The following TULP3 variants were observed in gnomAD, a reference collection of about 807,000 sequenced individuals.
TULP3 encodes tubby-related protein 3.
In TULP3, 38 loss-of-function variants were observed where a neutral mutation model predicts 50.7. The observed-to-expected ratio is 0.75, with a 90% CI of 0.58 to 0.98. The LOEUF is 0.98. TULP3 is among the 50% of genes least tolerant of loss of function. The probability of loss-of-function intolerance (pLI) is 0.00; values close to 1 mark genes in which losing one functional copy is unlikely to be tolerated. For synonymous variants in TULP3, 183 were observed against 196.6 expected, an observed-to-expected ratio of 0.93 and a Z score of 0.58; for missense variants, 550 against 568.0, an observed-to-expected ratio of 0.97 and a Z score of 0.32.
Position 2,940,993 on chromosome 12 carries a change from A to T in TULP3, c.*1549A>T. On this transcript the variant is annotated 3_prime_UTR_variant, in exon 11 of 11. Coordinates refer to ENST00000448120, the MANE Select transcript of TULP3 (RefSeq NM_003324.5). ...GAAGGACTTATGGTGGGCCAGGTGG[A>T]CCTCATCCTGCTTCTTCCTCCCTCT... The T allele has an allele frequency of 2.3e-6, 1 of 428,316 alleles. No individual in the cohort carries two copies. Among genetic ancestry groups the T allele is most frequent in the Non-Finnish European group, 4.1e-6 (1 of 241,690 alleles). The allele number at this position is 428,316 out of a possible 1,614,324, so 26.5% of individuals were successfully genotyped here.
At chr12:2,926,594 T>C (rs1160505426) in intron 4 of TULP3, among the ~76,000 whole-genome samples, 1 of 152,138 alleles carries the variant, frequency 6.6e-6, no homozygotes, top group Non-Finnish European at 1.5e-5. Context: ...CAGACCATAC[T>C]CCTCATCCAT....
intron 1 of TULP3, among the ~76,000 whole-genome samples, chr12:2,903,793 G>GTT (rs1368146378): frequency 6.6e-6 from 1 of 151,442 alleles, no homozygotes; most frequent in Non-Finnish European, 1.5e-5. Flanking sequence ...TTGTTTGTTT[G>GTT]TTTTGAGATG....
rs11305670 is a variant in TULP3 at position 2,909,509 on chromosome 12, ATT to A, written c.42-7_42-6del. 29,926 of 1,347,772 alleles carry A rather than the reference ATT, an allele frequency of 0.022. No homozygotes were observed. Among genetic ancestry groups the A allele is most frequent in the East Asian group, 0.04 (1,457 of 36,708 alleles). 83.5% of individuals were successfully genotyped at this position (1,347,772 alleles called of 1,614,324 possible). ...CGTTTTCTTTTTATATACTTGCTTT[ATT>A]TTTTTTTTTTTTAACAGTGTCTTCC... On this transcript the variant is annotated intron_variant, in intron 1 of 10. Transcript: ENST00000448120.
At position 2,893,330 on chromosome 12, in the gene TULP3, T is replaced by TTTTG. The variant is rs1555110462; in HGVS notation, c.41+2345_41+2346insGTTT. Among the ~76,000 whole-genome samples the TTTTG allele has an allele frequency of 6.3e-4, 95 of 149,952 alleles. 2 individuals carry two copies. Among genetic ancestry groups the TTTTG allele is most frequent in the Admixed American group, 1.7e-3 (25 of 15,046 alleles). ...CTTCAGGTTGTGTGTTTAATGTGTTTTTTTTTTTTTTTTTCCAAACGGAGT... is the reference window on the plus strand; with the variant it reads ...CTTCAGGTTGTGTGTTTAATGTGTTTTTTGTTTTTTTTTTTTTTCCAAACGGAGT... On this transcript the variant is annotated intron_variant, in intron 1 of 10. Coordinates refer to ENST00000448120, the MANE Select transcript of TULP3 (RefSeq NM_003324.5).
intron 7 of TULP3, 23 bp from the exon 8 acceptor site, chr12:2,934,424 G>A (rs2098199906): frequency 6.7e-7 from 1 of 1,482,652 alleles, no homozygotes; most frequent in Middle Eastern, 1.8e-4. Flanking sequence ...GATCATCATG[G>A]TGACTTTTTC....
At chr12:2,897,661 G>A (rs2098176327) in intron 1 of TULP3, among the ~76,000 whole-genome samples, 1 of 149,510 alleles carries the variant, frequency 6.7e-6, no homozygotes, top group Non-Finnish European at 1.5e-5. Context: ...GGGTCTTGCT[G>A]TATTGCCCAG....
At chr12:2,935,548 G>T (rs1223581674) in intron 8 of TULP3, among the ~76,000 whole-genome samples, 1 of 152,154 alleles carries the variant, frequency 6.6e-6, no homozygotes, top group African/African-American at 2.4e-5. Context: ...ATCTCAGCTG[G>T]TTTTTTTATT....
chr12:2,899,408 G>A (rs951424187), intron 1 of TULP3, among the ~76,000 whole-genome samples: 2 of 150,874 alleles, frequency 1.3e-5, no homozygotes, highest in African/African-American at 2.4e-5. Flanking sequence ...AAAAACTGAC[G>A]GCAGGCCAGA....
chr12:2,928,462 G>A (rs528361932), intron 4 of TULP3, among the ~76,000 whole-genome samples: 15 of 152,082 alleles, frequency 9.9e-5, no homozygotes, highest in East Asian at 1.9e-4. Context: ...CCTAGGAGGC[G>A]GAGGTTGCGG....
intron 4 of TULP3, among the ~76,000 whole-genome samples, chr12:2,923,871 T>C (rs2098193198): frequency 6.6e-6 from 1 of 151,166 alleles, no homozygotes; most frequent in South Asian, 2.1e-4. Flanking sequence ...TCCCAGCTAC[T>C]TGGGGGGCTG....
chr12:2,900,300 C>T (rs2098178384), intron 1 of TULP3, among the ~76,000 whole-genome samples: 1 of 152,176 alleles, frequency 6.6e-6, no homozygotes, highest in South Asian at 2.1e-4. Context: ...TTCCTCCTTT[C>T]TCCTCAATTT....
At chr12:2,893,895 C>T (rs2098173795) in intron 1 of TULP3, among the ~76,000 whole-genome samples, 1 of 151,692 alleles carries the variant, frequency 6.6e-6, no homozygotes, top group Non-Finnish European at 1.5e-5. Context: ...CCTCCTGCCT[C>T]AGCCTCCCAA....
At chr12:2,938,811 G>T (rs771045247) in intron 10 of TULP3, among the ~76,000 whole-genome samples, 1 of 152,052 alleles carries the variant, frequency 6.6e-6, no homozygotes, top group Non-Finnish European at 1.5e-5. Context: ...AGAAGTCATA[G>T]AGTAGGTTGT....
intron 9 of TULP3, 116 bp downstream of exon 9, chr12:2,937,845 T>C (rs1019796452): frequency 4.3e-6 from 4 of 940,550 alleles, no homozygotes; most frequent in African/African-American, 1.7e-5. Flanking sequence ...ACACTGGAGA[T>C]AGCTCCATAC....
intron 2 of TULP3, among the ~76,000 whole-genome samples, chr12:2,915,284 C>A (rs1220387655): frequency 6.6e-6 from 1 of 152,130 alleles, no homozygotes; most frequent in Non-Finnish European, 1.5e-5. Flanking sequence ...GCCACTGCGC[C>A]CAGCCCAGAA....
chr12:2,929,787 C>T (rs1443079792), intron 4 of TULP3, among the ~76,000 whole-genome samples: 1 of 151,976 alleles, frequency 6.6e-6, no homozygotes, highest in Non-Finnish European at 1.5e-5. Context: ...GATGGGGTTT[C>T]ACCATGTTAG....
chr12:2,922,722 C>T (rs911527891), intron 4 of TULP3, among the ~76,000 whole-genome samples: 14 of 152,202 alleles, frequency 9.2e-5, no homozygotes, highest in African/African-American at 1.2e-4. Flanking sequence ...TGTCACTCAA[C>T]CCCTCTACTC....
chr12:2,896,974 A>G (rs938310584), intron 1 of TULP3, among the ~76,000 whole-genome samples: 1 of 152,220 alleles, frequency 6.6e-6, no homozygotes, highest in Non-Finnish European at 1.5e-5. Flanking sequence ...CAGAGTGACA[A>G]CACATTTTAA....
intron 2 of TULP3, 39 bp downstream of exon 2, chr12:2,909,619 A>G (rs771467117): frequency 6.4e-7 from 1 of 1,564,648 alleles, no homozygotes; most frequent in Admixed American, 2.0e-5. Context: ...GTGGCCAACT[A>G]TACTGACCGT....
Sources: gnomAD v4.1 joint callset for allele counts (sites outside exome capture counted in the v4.1 genomes callset) on GRCh38, gnomAD v4.1.1 for gene constraint, MANE v1.5 for transcripts, NCBI Gene and HGNC (gene_info 2026-07-23, HGNC 2026-07-21) for gene names.